Variants in RANBP17 observed in about 807,000 individuals in gnomAD.
RANBP17 encodes the protein ran-binding protein 17.
A neutral mutation model predicts 141.2 loss-of-function variants in RANBP17; 158 were observed. The observed-to-expected ratio is 1.12, with a 90% CI of 0.98 to 1.28. The LOEUF (loss-of-function observed/expected upper bound fraction) is 1.28, where lower values mean the gene tolerates loss of function less well. Ranked by LOEUF, RANBP17 falls within the 50% of genes most tolerant of loss-of-function variation. The pLI is 0.00. For synonymous variants in RANBP17, 430 were observed against 450.0 expected, an observed-to-expected ratio of 0.96 and a Z score of 0.56; for missense variants, 1,438 against 1,290.7, an observed-to-expected ratio of 1.11 and a Z score of -1.75.
intron 14 of RANBP17, among the ~76,000 whole-genome samples, chr5:170,983,544 C>T (rs907130356): frequency 6.6e-6 from 1 of 152,078 alleles, no homozygotes; most frequent in Non-Finnish European, 1.5e-5. Flanking sequence ...CAGGAAATAG[C>T]TCTGTCTGCC....
chr5:171,099,642 G>A (rs1010187787), intron 14 of RANBP17, among the ~76,000 whole-genome samples: 1 of 152,200 alleles, frequency 6.6e-6, no homozygotes, highest in African/African-American at 2.4e-5. Flanking sequence ...ACACTGTGTT[G>A]AGTAGGAGTG....
At chr5:171,015,991 A>G (rs1421331850) in intron 14 of RANBP17, among the ~76,000 whole-genome samples, 3 of 151,992 alleles carry the variant, frequency 2.0e-5, no homozygotes, top group African/African-American at 7.3e-5. Context: ...TCCCCTTCAC[A>G]TCTCTAGACT....
intron 13 of RANBP17, among the ~76,000 whole-genome samples, chr5:170,960,662 G>A (rs796087313): frequency 4.6e-5 from 7 of 152,270 alleles, no homozygotes; most frequent in African/African-American, 1.7e-4. Flanking sequence ...TTTTTAAACG[G>A]ACTTCTTGCT....
At chr5:171,119,539 TGGTGAAAGTGA>T (rs1755872542) in intron 14 of RANBP17, among the ~76,000 whole-genome samples, 4 of 152,194 alleles carry the variant, frequency 2.6e-5, no homozygotes, top group Admixed American at 1.3e-4. Context: ...TGAATAACAG[TGGTGAAAGTGA>T]ACATCCTTGT....
Position 171,205,505 on chromosome 5 carries a change from G to A in RANBP17, c.2143-19G>A, listed in dbSNP as rs1295390031. On this transcript the variant is annotated intron_variant, in intron 19 of 27. Coordinates refer to ENST00000523189, the MANE Select transcript of RANBP17 (RefSeq NM_022897.5). ...CGCTAACGTGAAAATCAATTACTGT[G>A]TCTCTTTCCCACTGACAGCGTATGT... is the stretch of plus-strand genomic sequence containing the variant. 2 of 1,606,738 alleles carry A rather than the reference G, an allele frequency of 1.2e-6. No individual in the cohort carries two copies. The highest frequency in any genetic ancestry group is 2.2e-5 in the South Asian group (2 of 90,874).
In RANBP17 at chr5:171,199,701, G is replaced by A. The variant is rs1376293392; in HGVS notation, c.2070G>A (p.Met690Ile). 45 of 1,610,234 alleles carry A rather than the reference G, an allele frequency of 2.8e-5. No individual in the cohort carries two copies. The highest frequency in any genetic ancestry group is 3.8e-5 in the Non-Finnish European group (45 of 1,177,922). Residue 690 changes from methionine to isoleucine, a missense_variant, in exon 19 of 28, where the codon ATG becomes ATA. Met to Ile is a conservative substitution (Grantham distance 10). Transcript: ENST00000523189. ...GEDEDEFENF[M>I]LPLTVAFETV... ...ATGAGGATGAATTTGAGAATTTCATGCTGCCTCTTACAGTTGCTTTTGAAA... is the reference window on the plus strand; with the variant it reads ...ATGAGGATGAATTTGAGAATTTCATACTGCCTCTTACAGTTGCTTTTGAAA...
chr5:170,886,652 T>C (rs992550635), intron 3 of RANBP17, among the ~76,000 whole-genome samples: 2 of 15,726 alleles, frequency 1.3e-4, no homozygotes, highest in Non-Finnish European at 3.4e-4. Context: ...TTGAGGTGCC[T>C]TTTTTTTTTT....
intron 22 of RANBP17, among the ~76,000 whole-genome samples, chr5:171,231,442 A>T (rs567821166): frequency 1.3e-5 from 2 of 152,234 alleles, no homozygotes; most frequent in South Asian, 4.2e-4. Context: ...CTACTCTAAG[A>T]CTATACGTAG....
rs769410822 is a variant in RANBP17, at chr5:170,896,122, G to C, written c.489+7G>C. ...GACTCAGGAAATGAACCTGGTAAGC[G>C]AGCCTTTCCATCTAACAGGAGCCTG... On this transcript the variant is annotated splice_region_variant and intron_variant, in intron 5 of 27. Transcript: ENST00000523189. 1.3e-6 allele frequency: 2 copies of C among 1,593,352 alleles called. No individual in the cohort carries two copies. Among genetic ancestry groups the C allele is most frequent in the Non-Finnish European group, 8.6e-7 (1 of 1,166,356 alleles).
chr5:171,189,482 C>T (rs1004615305), intron 18 of RANBP17, among the ~76,000 whole-genome samples: 11 of 152,168 alleles, frequency 7.2e-5, no homozygotes, highest in Non-Finnish European at 1.6e-4. Flanking sequence ...AGGGTCTTTA[C>T]ATTGCAGATG....
chr5:171,000,887 G>A (rs868841200), intron 14 of RANBP17, among the ~76,000 whole-genome samples: 4 of 152,166 alleles, frequency 2.6e-5, no homozygotes, highest in Non-Finnish European at 5.9e-5. Context: ...TCATCAGTTA[G>A]GGTGGGGCAG....
Position 170,955,466 on chromosome 5 carries a change from C to A in RANBP17, c.1574+1764C>A, listed in dbSNP as rs866632166. 5.0e-4 allele frequency among the ~76,000 whole-genome samples: 62 copies of A among 123,058 alleles called. 1 individual carries two copies. The South Asian group carries it at 0.013, about 25-fold the overall frequency. 80.7% of individuals were successfully genotyped at this position (123,058 alleles called of 152,430 possible). ...GAAAGAGCTCAGTATATATATATAT[C>A]TATATATATATATATATATGCTCAG... On this transcript the variant is annotated intron_variant, in intron 13 of 27. Transcript: ENST00000523189.
At chr5:170,981,045 T>C (rs1777732307) in intron 14 of RANBP17, among the ~76,000 whole-genome samples, 1 of 152,214 alleles carries the variant, frequency 6.6e-6, no homozygotes, top group Admixed American at 6.5e-5. Flanking sequence ...GGAGATCATT[T>C]TGGAGCTTTA....
intron 14 of RANBP17, among the ~76,000 whole-genome samples, chr5:171,114,071 C>G (rs1755441155): frequency 6.6e-6 from 1 of 151,942 alleles, no homozygotes; most frequent in Admixed American, 6.6e-5. Flanking sequence ...TTTTAATTCT[C>G]AGTTTTAATT....
At position 170,919,562 on chromosome 5, in the gene RANBP17, T is replaced by C; in HGVS notation, c.1223T>C (p.Ile408Thr). The C allele has an allele frequency of 6.2e-7, 1 of 1,611,336 alleles. No individual in the cohort carries two copies. Among genetic ancestry groups the C allele is most frequent in the Non-Finnish European group, 8.5e-7 (1 of 1,178,904 alleles). ...CTATTAGACACTTATGCACCAGAAA[T>C]CACGAAGGCCTTTATCACTTCTCGG... ...PHLLDTYAPE[I>T]TKAFITSRLD... Residue 408 changes from isoleucine (I) to threonine (T), a missense_variant, in exon 11 of 28, where the codon ATC becomes ACC. Ile to Thr is a moderately conservative substitution (Grantham distance 89). Transcript: ENST00000523189.
At chr5:171,289,189 G>A (rs1768338547) in intron 25 of RANBP17, among the ~76,000 whole-genome samples, 1 of 152,126 alleles carries the variant, frequency 6.6e-6, no homozygotes, top group Admixed American at 6.5e-5. Context: ...ACAGGAGTTT[G>A]CAATCCAGTC....
chr5:171,179,900 T>G (rs1760768996), intron 16 of RANBP17, among the ~76,000 whole-genome samples: 2 of 152,192 alleles, frequency 1.3e-5, no homozygotes, highest in South Asian at 4.1e-4. Context: ...TCCTGTAACC[T>G]AAGAAAGCAG....
intron 12 of RANBP17, among the ~76,000 whole-genome samples, chr5:170,949,781 G>A (rs1775058585): frequency 6.6e-6 from 1 of 152,088 alleles, no homozygotes; most frequent in Non-Finnish European, 1.5e-5. Context: ...AATGTTCATA[G>A]CAGCATTATT....
intron 14 of RANBP17, among the ~76,000 whole-genome samples, chr5:170,970,046 T>A (rs1163919056): frequency 6.6e-6 from 1 of 152,038 alleles, no homozygotes; most frequent in Non-Finnish European, 1.5e-5. Flanking sequence ...TAATTATGTG[T>A]CCCGTCACTC....
Sources: gnomAD v4.1 joint callset for allele counts (sites outside exome capture counted in the v4.1 genomes callset) on GRCh38, gnomAD v4.1.1 for gene constraint, MANE v1.5 for transcripts, NCBI Gene and HGNC (gene_info 2026-07-23, HGNC 2026-07-21) for gene names.